The following SGCG variants were observed in gnomAD, a reference collection of about 807,000 sequenced individuals.
SGCG encodes the protein gamma-sarcoglycan.
Under a neutral mutation model 29.3 loss-of-function variants are expected in SGCG, and 26 were observed. The observed-to-expected ratio is 0.89, with a 90% CI of 0.65 to 1.23. The LOEUF (loss-of-function observed/expected upper bound fraction) is 1.23. Among genes scored for constraint, SGCG ranks in the 50% most tolerant of loss-of-function variants. The pLI, the probability that SGCG is intolerant of heterozygous loss-of-function variation, is 0.00. For synonymous variants in SGCG, 145 were observed against 129.7 expected, an observed-to-expected ratio of 1.12 and a Z score of -0.80; for missense variants, 353 against 356.0, an observed-to-expected ratio of 0.99 and a Z score of 0.07.
intron 6 of SGCG, among the ~76,000 whole-genome samples, chr13:23,310,558 T>A (rs1882555847): frequency 6.6e-6 from 1 of 152,198 alleles, no homozygotes; most frequent in African/African-American, 2.4e-5. Context: ...TGTTTCAAAT[T>A]TTTTGGTTTG....
At chr13:23,248,193 A>C (rs2137564986) in intron 3 of SGCG, among the ~76,000 whole-genome samples, 1 of 151,698 alleles carries the variant, frequency 6.6e-6, no homozygotes, top group Middle Eastern at 3.4e-3. Context: ...CTTTCCAAAA[A>C]AAATTTCTAT....
At position 23,234,641 on chromosome 13, in the gene SGCG, G is replaced by T; in HGVS notation, c.226G>T (p.Asp76Tyr). The T allele has an allele frequency of 6.2e-7, 1 of 1,612,512 alleles. No homozygotes were observed. Among genetic ancestry groups the T allele is most frequent in the Non-Finnish European group, 8.5e-7 (1 of 1,179,036 alleles). The change falls in exon 3 of 8, where the codon GAT becomes TAT. Residue 76 changes from aspartate (D) to tyrosine (Y), a missense_variant. By Grantham distance (160) the Asp-to-Tyr change is radical (BLOSUM62 -3). Coordinates refer to ENST00000218867, the MANE Select transcript of SGCG (RefSeq NM_000231.3). ...AGMGHLCVTK[D>Y]GLRLEGESEF... ...AATGGGCCACTTGTGTGTAACAAAA[G>T]ATGGACTGCGCTTGGAAGGGGAATC... is the stretch of plus-strand genomic sequence containing the variant.
chr13:23,166,409 T>A, the SGCG span, among the ~76,000 whole-genome samples: 2 of 152,082 alleles, frequency 1.3e-5, no homozygotes, highest in African/African-American at 4.8e-5. Flanking sequence ...TTGGCCAGGA[T>A]GGTCTCAATC....
intron 4 of SGCG, among the ~76,000 whole-genome samples, chr13:23,270,453 A>G (rs1234716250): frequency 6.6e-6 from 1 of 152,062 alleles, no homozygotes; most frequent in Admixed American, 6.6e-5. Flanking sequence ...TTTTTTCATA[A>G]GTTTGAGGGC....
the SGCG span, chr13:23,169,742 ACAC>A: frequency 7.1e-6 from 1 of 141,844 alleles, no homozygotes; most frequent in Admixed American, 7.1e-5. Context: ...ACACACACAC[ACAC>A]ACGCAACTTC....
chr13:23,324,238 A>AT (rs1455839465), intron 7 of SGCG, 130 bp from the exon 8 acceptor site: 1 of 797,098 alleles, frequency 1.3e-6, no homozygotes, highest in African/African-American at 1.7e-5. Flanking sequence ...AATGAGTTAC[A>AT]TAAAGTCAGG....
chr13:23,283,256 CT>C (rs753108457), intron 5 of SGCG, among the ~76,000 whole-genome samples: 62 of 152,286 alleles, frequency 4.1e-4, no homozygotes, highest in Non-Finnish European at 5.6e-4. Context: ...GAGTCTGAGT[CT>C]CTTTGTAGGT....
At chr13:23,176,241 C>G (rs1053321641), upstream of SGCG, among the ~76,000 whole-genome samples, 3 of 151,984 alleles carry the variant, frequency 2.0e-5, no homozygotes, top group Admixed American at 1.3e-4. Flanking sequence ...ACTAATAAAG[C>G]TGGTGTAACT....
At chr13:23,314,549 A>G (rs1383068356) in intron 6 of SGCG, among the ~76,000 whole-genome samples, 1 of 151,478 alleles carries the variant, frequency 6.6e-6, no homozygotes, top group East Asian at 1.9e-4. Context: ...TTCTAAAGGA[A>G]CAGAATATTA....
intron 5 of SGCG, among the ~76,000 whole-genome samples, chr13:23,292,711 A>C (rs1881763276): frequency 6.6e-6 from 1 of 152,216 alleles, no homozygotes; most frequent in African/African-American, 2.4e-5. Flanking sequence ...CTTTATGCCC[A>C]CATTCCTTTT....
intron 2 of SGCG, among the ~76,000 whole-genome samples, chr13:23,228,707 A>G (rs1055273235): frequency 1.3e-5 from 2 of 152,126 alleles, no homozygotes; most frequent in Non-Finnish European, 2.9e-5. Context: ...CTTATAAGTG[A>G]GAGCATGCAG....
At chr13:23,253,676 G>C (rs7995077) in intron 4 of SGCG, among the ~76,000 whole-genome samples, 2 of 151,984 alleles carry the variant, frequency 1.3e-5, no homozygotes. Flanking sequence ...TTGGATGTGC[G>C]TCCCCTCCAA....
rs144258130 is a variant in SGCG at position 23,310,078 on chromosome 13, CTTTTTTTTT to C, written c.579-10540_579-10532del. Among the ~76,000 whole-genome samples the C allele has an allele frequency of 1.6e-4, 10 of 60,780 alleles. 1 individual carries two copies. Among genetic ancestry groups the C allele is most frequent in the Admixed American group, 5.4e-4 (2 of 3,716 alleles). The allele number at this position is 60,780 out of a possible 152,430, so 39.9% of individuals were successfully genotyped here. A position where few individuals can be genotyped will look rare whatever the true frequency, so the allele number is the denominator to read the frequency against. ...CTTAGTATTTTTGCCTTGTTTTTCT[CTTTTTTTTT>C]TTTTTTTTTTTTTTTTTTAGACGGA... On this transcript the variant is annotated intron_variant, in intron 6 of 7. Transcript: ENST00000218867.
intron 4 of SGCG, among the ~76,000 whole-genome samples, chr13:23,264,485 C>T (rs1420210473): frequency 2.6e-5 from 4 of 152,002 alleles, no homozygotes; most frequent in Non-Finnish European, 4.4e-5. Context: ...ATCAATATTG[C>T]AAAATGACCA....
the SGCG span, among the ~76,000 whole-genome samples, chr13:23,163,660 T>C: frequency 6.6e-6 from 1 of 152,182 alleles, no homozygotes; most frequent in Non-Finnish European, 1.5e-5. Context: ...GAATCAGATA[T>C]CAATTTGTAA....
rs137952929 is a variant in SGCG, at chr13:23,322,090, T to C, written c.702+1330T>C. On this transcript the variant is annotated intron_variant, in intron 7 of 7. Coordinates refer to ENST00000218867, the MANE Select transcript of SGCG (RefSeq NM_000231.3). ...ATCTTCTTGGCCTAACCCCAGATAT[T>C]TTCATATGTATGAATGTGCTCAAAA... Among the ~76,000 whole-genome samples, 73 of 152,302 alleles carry C rather than the reference T, an allele frequency of 4.8e-4. 1 individual carries two copies. The highest frequency in any genetic ancestry group is 1.4e-3 in the Admixed American group (21 of 15,288).
At chr13:23,182,358 T>C (rs1264405815) in intron 1 of SGCG, among the ~76,000 whole-genome samples, 1 of 152,098 alleles carries the variant, frequency 6.6e-6, no homozygotes, top group East Asian at 1.9e-4. Context: ...AGGGCTGTGG[T>C]TTCCCAGTGG....
chr13:23,324,225 C>G, intron 7 of SGCG, 143 bp from the exon 8 acceptor site: 1 of 737,440 alleles, frequency 1.4e-6, no homozygotes, highest in South Asian at 1.5e-5. Flanking sequence ...CGGATAATTA[C>G]GAAATGAGTT....
chr13:23,172,473 G>A, the SGCG span, among the ~76,000 whole-genome samples: 3 of 152,054 alleles, frequency 2.0e-5, no homozygotes, highest in Non-Finnish European at 4.4e-5. Context: ...TGTGCTGTTG[G>A]AGAATCAACT....
Sources: gnomAD v4.1 joint callset for allele counts (sites outside exome capture counted in the v4.1 genomes callset) on GRCh38, gnomAD v4.1.1 for gene constraint, MANE v1.5 for transcripts, NCBI Gene and HGNC (gene_info 2026-07-23, HGNC 2026-07-21) for gene names.